LYPD6: variants seen among roughly 807,000 people sequenced by gnomAD.
The protein encoded by LYPD6 is LY6/PLAUR domain containing 6.
LYPD6 carries 15 observed loss-of-function variants against 22.7 expected under a neutral mutation model. That is an observed-to-expected ratio of 0.66 (90% CI 0.44 to 1.02). LYPD6 has a LOEUF of 1.02. Among genes scored for constraint, LYPD6 ranks in the 50% least tolerant of loss-of-function variants. The pLI, the probability that LYPD6 is intolerant of heterozygous loss-of-function variation, is 0.00. For missense variants in LYPD6, 189 were observed against 208.4 expected (o/e 0.91, Z 0.57); for synonymous variants, 72 against 77.5 (o/e 0.93, Z 0.37).
At chr2:149,411,966 G>T (rs1682859394) in intron 1 of LYPD6, among the ~76,000 whole-genome samples, 2 of 152,176 alleles carry the variant, frequency 1.3e-5, no homozygotes, top group Admixed American at 1.3e-4. Context: ...ATAGCATATG[G>T]TCTTCTTATT....
intron 1 of LYPD6, among the ~76,000 whole-genome samples, chr2:149,416,237 C>G (rs1389019067): frequency 3.3e-5 from 5 of 152,176 alleles, no homozygotes; most frequent in Admixed American, 6.5e-5. Context: ...ACTCTGAGTT[C>G]TCCATATCCC....
intron 1 of LYPD6, among the ~76,000 whole-genome samples, chr2:149,398,433 G>GTGTGTGTGTGTGTGTA (rs1315596562): frequency 1.3e-5 from 2 of 151,898 alleles, no homozygotes; most frequent in Non-Finnish European, 2.9e-5. Flanking sequence ...GTGTGTGTGT[G>GTGTGTGTGTGTGTGTA]TGTGTGTGTG....
intron 1 of LYPD6, among the ~76,000 whole-genome samples, chr2:149,409,495 A>G (rs1425431509): frequency 6.6e-6 from 1 of 152,194 alleles, no homozygotes; most frequent in Non-Finnish European, 1.5e-5. Context: ...GGTGGTGAGC[A>G]GGGCCATAGA....
rs16827003 is a variant in LYPD6 at position 149,464,287 on chromosome 2, A to T, written c.218-4358A>T. ...GGGAGGAAGATCAGGAAGATTTCACAGAATTTATCACATTTGGATTGAGCC... is the reference window on the plus strand; with the variant it reads ...GGGAGGAAGATCAGGAAGATTTCACTGAATTTATCACATTTGGATTGAGCC... On this transcript the variant is annotated intron_variant, in intron 3 of 4. Coordinates refer to ENST00000334166, the MANE Select transcript of LYPD6 (RefSeq NM_194317.5). 6.2e-3 allele frequency: 2,044 copies of T among 329,766 alleles called. 35 individuals are homozygous for T. Among genetic ancestry groups the T allele is most frequent in the African/African-American group, 0.043 (1,880 of 43,856 alleles). The allele number at this position is 329,766 out of a possible 1,614,324, so 20.4% of individuals were successfully genotyped here.
At chr2:149,386,722 G>A (rs1363179392) in intron 1 of LYPD6, among the ~76,000 whole-genome samples, 1 of 152,212 alleles carries the variant, frequency 6.6e-6, no homozygotes, top group Non-Finnish European at 1.5e-5. Flanking sequence ...TGGATATAAA[G>A]TATACTGTAA....
chr2:149,416,964 G>A (rs551153414), intron 1 of LYPD6, among the ~76,000 whole-genome samples: 64 of 152,292 alleles, frequency 4.2e-4, no homozygotes, highest in African/African-American at 1.5e-3. Flanking sequence ...GTGACAGCAT[G>A]GGAAGATGTT....
intron 1 of LYPD6, among the ~76,000 whole-genome samples, chr2:149,346,803 C>T (rs1172283471): frequency 3.9e-5 from 6 of 152,190 alleles, no homozygotes; most frequent in African/African-American, 1.2e-4. Flanking sequence ...CGGGTTCTAG[C>T]GGTTCTCCTG....
chr2:149,332,808 C>T (rs1680963276), intron 1 of LYPD6, among the ~76,000 whole-genome samples: 1 of 152,198 alleles, frequency 6.6e-6, no homozygotes, highest in Admixed American at 6.5e-5. Context: ...ATTTAGCTCC[C>T]ACTAAGGTGA....
chr2:149,372,850 G>A (rs1465470884), intron 1 of LYPD6, among the ~76,000 whole-genome samples: 1 of 152,166 alleles, frequency 6.6e-6, no homozygotes, highest in African/African-American at 2.4e-5. Flanking sequence ...AAAATTCACA[G>A]AGCTTTATTT....
At chr2:149,361,191 G>T (rs1214441284) in intron 1 of LYPD6, among the ~76,000 whole-genome samples, 3 of 152,166 alleles carry the variant, frequency 2.0e-5, no homozygotes, top group Non-Finnish European at 4.4e-5. Flanking sequence ...GCTGTTGGGG[G>T]ATACAGTTAT....
At chr2:149,363,983 A>G (rs780766327) in intron 1 of LYPD6, among the ~76,000 whole-genome samples, 3 of 152,030 alleles carry the variant, frequency 2.0e-5, no homozygotes, top group Non-Finnish European at 4.4e-5. Flanking sequence ...ATAGAACTTT[A>G]TTTTCTTTCC....
intron 3 of LYPD6, among the ~76,000 whole-genome samples, chr2:149,462,719 A>T (rs1681113541): frequency 6.6e-6 from 1 of 152,052 alleles, no homozygotes; most frequent in Non-Finnish European, 1.5e-5. Context: ...ATAGACATAG[A>T]TCAATTAAAC....
chr2:149,432,946 A>T (rs1683349988), intron 1 of LYPD6, among the ~76,000 whole-genome samples: 1 of 152,210 alleles, frequency 6.6e-6, no homozygotes, highest in Admixed American at 6.5e-5. Context: ...AATGTTATTA[A>T]AAGTTTTTCT....
In LYPD6 at chr2:149,423,400, G is replaced by T. The variant is rs1201518636; in HGVS notation, c.-71-14238G>T. ...GTATCAGGCTGCATGATGAAGGGGGGAAATTTTGATAGGTGGGATGCAGAT... is the reference window on the plus strand; with the variant it reads ...GTATCAGGCTGCATGATGAAGGGGGTAAATTTTGATAGGTGGGATGCAGAT... On this transcript the variant is annotated intron_variant, in intron 1 of 4. Transcript: ENST00000334166. Among the ~76,000 whole-genome samples, 3 of 152,172 alleles carry T rather than the reference G, an allele frequency of 2.0e-5. No individual in the cohort carries two copies. In the South Asian group the frequency reaches 6.2e-4, roughly 32 times the overall value.
At chr2:149,469,196 A>T (rs1409767901) in intron 4 of LYPD6, among the ~76,000 whole-genome samples, 1 of 152,016 alleles carries the variant, frequency 6.6e-6, no homozygotes, top group Non-Finnish European at 1.5e-5. Flanking sequence ...TGTGACTGGG[A>T]TGTTAGTTTG....
intron 4 of LYPD6, among the ~76,000 whole-genome samples, chr2:149,469,326 G>A (rs1196661): frequency 0.82 from 125,352 of 152,126 alleles, 52,295 homozygotes; most frequent in East Asian, 0.99. Context: ...TGGTGCCTAT[G>A]TACAGAAGCA....
intron 1 of LYPD6, among the ~76,000 whole-genome samples, chr2:149,351,764 TGA>T (rs1159060263): frequency 6.6e-6 from 1 of 152,208 alleles, no homozygotes; most frequent in Non-Finnish European, 1.5e-5. Context: ...AAGGAAGGGC[TGA>T]GTGTGTGACA....
At chr2:149,440,492 A>G (rs926295814) in intron 2 of LYPD6, 1 of 152,180 alleles carries the variant, frequency 6.6e-6, no homozygotes. Context: ...AGGTTTTCTG[A>G]TATGATTTTG....
At chr2:149,427,852 A>G (rs1683219138) in intron 1 of LYPD6, among the ~76,000 whole-genome samples, 1 of 152,250 alleles carries the variant, frequency 6.6e-6, no homozygotes, top group Admixed American at 6.5e-5. Context: ...ATTGTATATT[A>G]CTAGACATAC....
Sources: allele counts gnomAD v4.1 joint callset (sites outside exome capture counted in the v4.1 genomes callset), GRCh38; gene constraint gnomAD v4.1.1; transcripts MANE v1.5; gene names NCBI Gene and HGNC (gene_info 2026-07-23, HGNC 2026-07-21).